Variants in STX8 observed in about 807,000 individuals in gnomAD.
STX8 encodes the protein syntaxin 8.
STX8 carries 23 observed loss-of-function variants against 37.5 expected under a neutral mutation model. The ratio of observed to expected loss-of-function variants is 0.61; its 90% CI spans 0.44 to 0.87. The LOEUF (loss-of-function observed/expected upper bound fraction) is 0.87, where lower values mean the gene tolerates loss of function less well. Among genes scored for constraint, STX8 ranks in the 40% least tolerant of loss-of-function variants. The probability of loss-of-function intolerance (pLI) is 0.00; values close to 1 mark genes in which losing one functional copy is unlikely to be tolerated. For missense variants in STX8, 313 were observed against 284.7 expected (o/e 1.10, Z -0.71); for synonymous variants, 115 against 99.1 (o/e 1.16, Z -0.95).
intron 7 of STX8, among the ~76,000 whole-genome samples, chr17:9,360,753 T>C (rs1360414084): frequency 6.6e-6 from 1 of 151,924 alleles, no homozygotes; most frequent in Non-Finnish European, 1.5e-5. Flanking sequence ...ACGGGCTGTT[T>C]CGAGCGTGAA....
chr17:9,338,048 A>ATTTTTTTTTTTTT (rs972471091), intron 7 of STX8, among the ~76,000 whole-genome samples: 3 of 107,896 alleles, frequency 2.8e-5, no homozygotes, highest in Non-Finnish European at 5.6e-5. Context: ...CCTCTGAAGG[A>ATTTTTTTTTTTTT]TTTTTTTTTT....
chr17:9,427,545 C>T (rs1913683226), intron 6 of STX8, among the ~76,000 whole-genome samples: 1 of 152,216 alleles, frequency 6.6e-6, no homozygotes, highest in Non-Finnish European at 1.5e-5. Context: ...CTCTGTAACT[C>T]TGTAACCAGA....
chr17:9,373,103 A>G (rs1051555583), intron 7 of STX8, among the ~76,000 whole-genome samples: 2 of 141,290 alleles, frequency 1.4e-5, no homozygotes, highest in African/African-American at 6.0e-5. Flanking sequence ...AGAAGACTCC[A>G]TCTCAAAAAA....
chr17:9,455,398 A>G lies in STX8; in HGVS notation c.541+36431T>C, dbSNP rs544313258. On this transcript the variant is annotated intron_variant, in intron 6 of 7. Coordinates refer to ENST00000306357, the MANE Select transcript of STX8 (RefSeq NM_004853.3). Reference sequence around the variant, plus strand: ...GCCTGTAATCCCAGCTACTCGGGACACTGAGGCAGGAAAATCGCTTGAACC... The same window carrying G: ...GCCTGTAATCCCAGCTACTCGGGACGCTGAGGCAGGAAAATCGCTTGAACC... 7.3e-5 allele frequency among the ~76,000 whole-genome samples: 11 copies of G among 151,618 alleles called. No homozygotes were observed. In the East Asian group the frequency reaches 2.2e-3, roughly 30 times the overall value.
At chr17:9,362,683 G>A (rs553834412) in intron 7 of STX8, among the ~76,000 whole-genome samples, 1 of 151,942 alleles carries the variant, frequency 6.6e-6, no homozygotes, top group Non-Finnish European at 1.5e-5. Context: ...TTAGCCAGGC[G>A]TGGTGGCGGG....
rs183772715 is a variant in STX8 at position 9,401,358 on chromosome 17, A to G, written c.542-22705T>C. The stretch of plus-strand genomic sequence containing the variant: ...GATTTCATATAAATGAATAGTTTTA[A>G]AAGTAGTTATGATGATGGTAATACA... On this transcript the variant is annotated intron_variant, in intron 6 of 7. Coordinates refer to ENST00000306357, the MANE Select transcript of STX8 (RefSeq NM_004853.3). 2.8e-4 allele frequency among the ~76,000 whole-genome samples: 43 copies of G among 152,298 alleles called. No homozygotes were observed. The East Asian group carries it at 7.7e-3, about 27-fold the overall frequency.
intron 7 of STX8, among the ~76,000 whole-genome samples, chr17:9,298,140 G>A (rs1440115228): frequency 1.5e-5 from 2 of 135,300 alleles, no homozygotes; most frequent in African/African-American, 2.8e-5. Context: ...AAATGGAAAT[G>A]TCACTGGCTG....
At chr17:9,520,317 G>T (rs778762825) in intron 4 of STX8, among the ~76,000 whole-genome samples, 5 of 152,154 alleles carry the variant, frequency 3.3e-5, no homozygotes, top group Non-Finnish European at 5.9e-5. Flanking sequence ...TGAGCAGATG[G>T]AGAGAATTAC....
At chr17:9,533,400 G>A (rs1295581464) in intron 4 of STX8, among the ~76,000 whole-genome samples, 1 of 152,212 alleles carries the variant, frequency 6.6e-6, no homozygotes, top group Non-Finnish European at 1.5e-5. Context: ...CTCGGAGGCA[G>A]AGGCTGCAGT....
chr17:9,431,429 TG>T, intron 6 of STX8, among the ~76,000 whole-genome samples: 2 of 99,654 alleles, frequency 2.0e-5, no homozygotes, highest in Non-Finnish European at 5.2e-5. Flanking sequence ...GCAGGGTTTT[TG>T]TTGTTGTTGT....
intron 6 of STX8, among the ~76,000 whole-genome samples, chr17:9,462,778 T>C (rs1159377613): frequency 6.6e-6 from 1 of 152,278 alleles, no homozygotes; most frequent in African/African-American, 2.4e-5. Context: ...AAACATCCAA[T>C]GAAACCCTAA....
At chr17:9,426,445 T>C (rs1913633678) in intron 6 of STX8, among the ~76,000 whole-genome samples, 1 of 152,198 alleles carries the variant, frequency 6.6e-6, no homozygotes, top group African/African-American at 2.4e-5. Context: ...GAGAATTGCT[T>C]GAACCTAGGA....
intron 6 of STX8, among the ~76,000 whole-genome samples, chr17:9,395,382 A>G (rs148886531): frequency 3.0e-4 from 46 of 152,190 alleles, no homozygotes; most frequent in African/African-American, 1.1e-3. Context: ...CGGGCACATC[A>G]ATCACTTGAG....
At chr17:9,541,607 G>A in intron 4 of STX8, among the ~76,000 whole-genome samples, 1 of 152,166 alleles carries the variant, frequency 6.6e-6, no homozygotes, top group Non-Finnish European at 1.5e-5. Flanking sequence ...CCACATGACT[G>A]ACAGACTAGA....
At chr17:9,449,743 T>C (rs992524797) in intron 6 of STX8, among the ~76,000 whole-genome samples, 4 of 152,106 alleles carry the variant, frequency 2.6e-5, no homozygotes, top group South Asian at 4.1e-4. Context: ...ATATTCCATT[T>C]TGGAAAAGGC....
At chr17:9,275,375 G>A (rs1455583202) in intron 7 of STX8, among the ~76,000 whole-genome samples, 6 of 152,142 alleles carry the variant, frequency 3.9e-5, no homozygotes, top group Non-Finnish European at 8.8e-5. Context: ...GGGAGACATC[G>A]CTGCTCTCTG....
intron 7 of STX8, among the ~76,000 whole-genome samples, chr17:9,269,353 A>G (rs1242691649): frequency 6.6e-6 from 1 of 152,156 alleles, no homozygotes; most frequent in Non-Finnish European, 1.5e-5. Flanking sequence ...TAAGGGCTTA[A>G]ACAGACCCTC....
intron 4 of STX8, among the ~76,000 whole-genome samples, chr17:9,536,936 C>G (rs1336330904): frequency 1.3e-5 from 2 of 151,996 alleles, no homozygotes; most frequent in Non-Finnish European, 1.5e-5. Flanking sequence ...TTAGTAGAGA[C>G]GGGGTTTCAC....
At chr17:9,348,417 C>CAAAAA (rs1190839413) in intron 7 of STX8, among the ~76,000 whole-genome samples, 3 of 99,472 alleles carry the variant, frequency 3.0e-5, no homozygotes, top group Admixed American at 1.1e-4. Context: ...GACTCTGTCT[C>CAAAAA]AAAAAAAAAA....
Sources: allele counts gnomAD v4.1 joint callset (sites outside exome capture counted in the v4.1 genomes callset), GRCh38; gene constraint gnomAD v4.1.1; transcripts MANE v1.5; gene names NCBI Gene and HGNC (gene_info 2026-07-23, HGNC 2026-07-21).